The following SZRD1 variants were observed in gnomAD, a reference collection of about 807,000 sequenced individuals.
SZRD1 encodes the protein SUZ RNA-binding domain-containing.
In SZRD1, 7 loss-of-function variants were observed where a neutral mutation model predicts 17.6. The observed-to-expected ratio is 0.40, with a 90% CI of 0.23 to 0.75. SZRD1 has a LOEUF of 0.75. Among genes scored for constraint, SZRD1 ranks in the 30% least tolerant of loss-of-function variants. The probability of loss-of-function intolerance (pLI) is 0.38; values close to 1 mark genes in which losing one functional copy is unlikely to be tolerated. For missense variants in SZRD1, 178 were observed against 201.8 expected, an observed-to-expected ratio of 0.88 and a Z score of 0.71; for synonymous variants, 77 against 77.9, an observed-to-expected ratio of 0.99 and a Z score of 0.06.
intron 1 of SZRD1, among the ~76,000 whole-genome samples, chr1:16,371,049 T>G (rs1377617856): frequency 2.6e-5 from 4 of 152,188 alleles, no homozygotes; most frequent in Non-Finnish European, 4.4e-5. Context: ...GAGCTTTGAA[T>G]ACCCTACTCC....
chr1:16,395,358 A>G lies in SZRD1; in HGVS notation c.*218A>G. 2 of 582,046 alleles carry G rather than the reference A, an allele frequency of 3.4e-6. No homozygotes were observed. The highest frequency in any genetic ancestry group is 3.7e-5 in the South Asian group (2 of 53,356). The allele number at this position is 582,046 out of a possible 1,614,324, so 36.1% of individuals were successfully genotyped here. A position where few individuals can be genotyped will look rare whatever the true frequency, so the allele number is the denominator to read the frequency against. On this transcript the variant is annotated 3_prime_UTR_variant, in exon 4 of 4. Transcript: ENST00000401088. ...TTCCCACTGTGATTGGCACATCGAC[A>G]AGGGCTGTCCCAAGTCAATGGAAAG...
intron 1 of SZRD1, among the ~76,000 whole-genome samples, chr1:16,373,947 T>C (rs1405792665): frequency 6.6e-6 from 1 of 152,154 alleles, no homozygotes; most frequent in African/African-American, 2.4e-5. Context: ...GATTTTCTTC[T>C]CTTTCTTTGG....
intron 1 of SZRD1, among the ~76,000 whole-genome samples, chr1:16,377,155 C>T (rs938320104): frequency 1.3e-5 from 2 of 152,060 alleles, no homozygotes; most frequent in Non-Finnish European, 2.9e-5. Flanking sequence ...TGAGTGCTGG[C>T]GATTCTAACT....
chr1:16,398,031 C>T lies in SZRD1; in HGVS notation c.*2891C>T, dbSNP rs1192020662. ...AGGGCTGCACCCCTGCAGTCTTACTCTGCTGGTGTAGCGGGCAGCTGCCCA... is the reference window on the plus strand; with the variant it reads ...AGGGCTGCACCCCTGCAGTCTTACTTTGCTGGTGTAGCGGGCAGCTGCCCA... On this transcript the variant is annotated 3_prime_UTR_variant, in exon 4 of 4. Transcript: ENST00000401088. 1 of 894,736 alleles carries T rather than the reference C, an allele frequency of 1.1e-6. No individual in the cohort carries two copies. Among genetic ancestry groups the T allele is most frequent in the African/African-American group, 1.8e-5 (1 of 55,298 alleles). 55.4% of individuals were successfully genotyped at this position (894,736 alleles called of 1,614,324 possible). A position where few individuals can be genotyped will look rare whatever the true frequency, so the allele number is the denominator to read the frequency against.
At chr1:16,377,428 C>CA (rs1303056193) in intron 1 of SZRD1, among the ~76,000 whole-genome samples, 1 of 151,712 alleles carries the variant, frequency 6.6e-6, no homozygotes, top group African/African-American at 2.4e-5. Flanking sequence ...ACTAAAAATA[C>CA]AAAAAAATGA....
At chr1:16,369,287 ACCTTTT>A (rs1177031822) in intron 1 of SZRD1, 63 of 663,146 alleles carry the variant, frequency 9.5e-5, no homozygotes. Flanking sequence ...TATTTGAAAT[ACCTTTT>A]GGAGAAAGGC....
At chr1:16,383,694 A>T (rs1248600544) in intron 1 of SZRD1, among the ~76,000 whole-genome samples, 1 of 137,928 alleles carries the variant, frequency 7.3e-6, no homozygotes, top group African/African-American at 2.8e-5. Context: ...ATCTCAGCTC[A>T]CTGCAACCTC....
chr1:16,372,403 G>A (rs2082929817), intron 1 of SZRD1, among the ~76,000 whole-genome samples: 1 of 152,150 alleles, frequency 6.6e-6, no homozygotes, highest in Non-Finnish European at 1.5e-5. Flanking sequence ...AACCTGGGAG[G>A]CAGAGGTTGC....
At chr1:16,382,480 G>A (rs572042519) in intron 1 of SZRD1, among the ~76,000 whole-genome samples, 77 of 146,800 alleles carry the variant, frequency 5.2e-4, no homozygotes, top group South Asian at 1.1e-3. Flanking sequence ...GAACCACTGC[G>A]CCTGGCCACA....
At chr1:16,388,757 C>T (rs2085169919) in intron 1 of SZRD1, among the ~76,000 whole-genome samples, 1 of 143,226 alleles carries the variant, frequency 7.0e-6, no homozygotes, top group African/African-American at 2.6e-5. Context: ...GTGATCTCCA[C>T]TCACTGCAGC....
chr1:16,373,220 G>C (rs1478075954), intron 1 of SZRD1, among the ~76,000 whole-genome samples: 1 of 129,124 alleles, frequency 7.7e-6, no homozygotes, highest in Non-Finnish European at 1.7e-5. Flanking sequence ...GAAAGTGCAA[G>C]GAGCTTTGAA....
intron 1 of SZRD1, 75 bp downstream of exon 1, chr1:16,367,383 G>A (rs982905302): frequency 7.1e-7 from 1 of 1,408,734 alleles, no homozygotes; most frequent in Non-Finnish European, 9.7e-7. Flanking sequence ...GAGCGGGTCT[G>A]GAGATAGTTC....
intron 1 of SZRD1, among the ~76,000 whole-genome samples, chr1:16,381,541 C>T (rs569055331): frequency 4.4e-5 from 5 of 113,460 alleles, no homozygotes; most frequent in Admixed American, 1.9e-4. Context: ...TGGGCGACAG[C>T]GAGACTTCAT....
At chr1:16,369,074 G>A (rs1168842458) in intron 1 of SZRD1, 3 of 297,188 alleles carry the variant, frequency 1.0e-5, no homozygotes, top group Non-Finnish European at 1.8e-5. Flanking sequence ...GACGCTTGTC[G>A]CGTGTTCTTT....
chr1:16,385,881 C>T (rs1265760000), intron 1 of SZRD1, among the ~76,000 whole-genome samples: 1 of 152,182 alleles, frequency 6.6e-6, no homozygotes, highest in African/African-American at 2.4e-5. Flanking sequence ...GGTTGTGGCT[C>T]TCCTTTACCT....
In SZRD1 at chr1:16,391,440, G is replaced by A. The variant is rs771805412; in HGVS notation, c.101+16G>A. The A allele has an allele frequency of 1.3e-6, 2 of 1,546,628 alleles. No individual in the cohort carries two copies. Among genetic ancestry groups the A allele is most frequent in the South Asian group, 1.2e-5 (1 of 83,864 alleles). ...AAAAAGAGAGGTAAGGCTGCTGTCT[G>A]GTCTGAGGGCTCATGCTCTCTGTGG... On this transcript the variant is annotated intron_variant, in intron 2 of 3. Transcript: ENST00000401088. This position sits in a 1 kb window ranked among gnomAD's most constrained non-coding sequence, Gnocchi z 4.3.
At chr1:16,373,844 C>T (rs889246832) in intron 1 of SZRD1, among the ~76,000 whole-genome samples, 1 of 152,080 alleles carries the variant, frequency 6.6e-6, no homozygotes, top group Non-Finnish European at 1.5e-5. Context: ...CATAAGTGAT[C>T]CTCCCGTTTC....
intron 2 of SZRD1, among the ~76,000 whole-genome samples, chr1:16,392,278 G>C (rs1478953660): frequency 6.6e-6 from 1 of 152,166 alleles, no homozygotes; most frequent in Non-Finnish European, 1.5e-5. Flanking sequence ...CCTCCTGACA[G>C]CCAAGGCTCT....
At chr1:16,392,361 G>C (rs2085233504) in intron 2 of SZRD1, among the ~76,000 whole-genome samples, 1 of 152,100 alleles carries the variant, frequency 6.6e-6, no homozygotes, top group Non-Finnish European at 1.5e-5. Context: ...GCTGTTGTCG[G>C]GTGGTCATTC....
Sources: gnomAD v4.1 joint callset for allele counts (sites outside exome capture counted in the v4.1 genomes callset) on GRCh38, gnomAD v4.1.1 for gene constraint, Gnocchi (gnomAD v3.1) non-coding constraint, MANE v1.5 for transcripts, NCBI Gene and HGNC (gene_info 2026-07-23, HGNC 2026-07-21) for gene names.